The following TECRL variants were observed in gnomAD, a reference collection of about 807,000 sequenced individuals.
TECRL encodes trans-2,3-enoyl-CoA reductase like.
A neutral mutation model predicts 52.8 loss-of-function variants in TECRL; 63 were observed. That is an observed-to-expected ratio of 1.19 (90% CI 0.97 to 1.47). TECRL has a LOEUF of 1.47. Among genes scored for constraint, TECRL ranks in the 40% most tolerant of loss-of-function variants. The pLI is 0.00. For synonymous variants in TECRL, 164 were observed against 141.9 expected, an observed-to-expected ratio of 1.16 and a Z score of -1.10; for missense variants, 482 against 429.6, an observed-to-expected ratio of 1.12 and a Z score of -1.08.
intron 2 of TECRL, among the ~76,000 whole-genome samples, chr4:64,360,793 T>C (rs4860155): frequency 0.9 from 136,713 of 152,088 alleles, 62,100 homozygotes; most frequent in East Asian, 1. Context: ...CTACTCTCAC[T>C]ATGGAGTTCT....
chr4:64,339,196 C>T (rs1719358439), intron 2 of TECRL, among the ~76,000 whole-genome samples: 1 of 149,430 alleles, frequency 6.7e-6, no homozygotes, highest in African/African-American at 2.5e-5. Context: ...AAAAACCAAA[C>T]ACCACATGTT....
At chr4:64,352,315 C>G (rs1560521713) in intron 2 of TECRL, among the ~76,000 whole-genome samples, 1 of 152,126 alleles carries the variant, frequency 6.6e-6, no homozygotes, top group Admixed American at 6.5e-5. Flanking sequence ...TAATATTGAA[C>G]AGAGTCTTGA....
At chr4:64,287,744 A>T (rs994918830) in intron 9 of TECRL, among the ~76,000 whole-genome samples, 5 of 152,184 alleles carry the variant, frequency 3.3e-5, no homozygotes, top group Non-Finnish European at 5.9e-5. Context: ...TTCTCACTTT[A>T]TGTTTTTTGC....
chr4:64,300,279 C>A (rs1340034038), intron 7 of TECRL, among the ~76,000 whole-genome samples: 6 of 150,300 alleles, frequency 4.0e-5, no homozygotes, highest in Non-Finnish European at 6.0e-5. Context: ...TCCTTGAAGG[C>A]AGATTTAGAA....
Position 64,330,605 on chromosome 4 carries a change from C to G in TECRL, c.287-2049G>C, listed in dbSNP as rs1718572197. Among the ~76,000 whole-genome samples, 3 of 152,150 alleles carry G rather than the reference C, an allele frequency of 2.0e-5. No individual in the cohort carries two copies. The South Asian group carries it at 6.2e-4, about 32-fold the overall frequency. On this transcript the variant is annotated intron_variant, in intron 2 of 11. Coordinates refer to ENST00000381210, the MANE Select transcript of TECRL (RefSeq NM_001010874.5). ...AATACTTGACCCTTGGAGTTCAAGA[C>G]TAGCCTGGGCAATATAATGAGACTG...
intron 1 of TECRL, among the ~76,000 whole-genome samples, chr4:64,381,855 T>C (rs1722815199): frequency 6.6e-6 from 1 of 151,986 alleles, no homozygotes; most frequent in Admixed American, 6.6e-5. Flanking sequence ...GTAGTACTAT[T>C]TGCGTGTGTG....
At chr4:64,366,982 C>T (rs1458080343) in intron 2 of TECRL, among the ~76,000 whole-genome samples, 5 of 152,072 alleles carry the variant, frequency 3.3e-5, no homozygotes, top group Non-Finnish European at 5.9e-5. Context: ...TGAAATCAAC[C>T]TAGAAGCTCA....
At chr4:64,373,814 G>T (rs951382221) in intron 2 of TECRL, among the ~76,000 whole-genome samples, 1 of 150,640 alleles carries the variant, frequency 6.6e-6, no homozygotes, top group Non-Finnish European at 1.5e-5. Context: ...TGCCACAAAG[G>T]TGGCAATTCA....
Position 64,336,590 on chromosome 4 carries a change from T to C in TECRL, c.287-8034A>G, listed in dbSNP as rs1322373296. On this transcript the variant is annotated intron_variant, in intron 2 of 11. Coordinates refer to ENST00000381210, the MANE Select transcript of TECRL (RefSeq NM_001010874.5). ...GCTCTTGCTTCTCTAGCTCTTTCAA[T>C]TGTGATGTTAGGGTGTCAATTTTAG... 2.4e-4 allele frequency among the ~76,000 whole-genome samples: 36 copies of C among 152,362 alleles called. 1 individual carries two copies. The highest frequency in any genetic ancestry group is 2.0e-3 in the Admixed American group (31 of 15,304).
chr4:64,306,206 A>G (rs1483688937), intron 6 of TECRL, among the ~76,000 whole-genome samples: 1 of 152,160 alleles, frequency 6.6e-6, no homozygotes, highest in Non-Finnish European at 1.5e-5. Context: ...TGTTGCTCCT[A>G]CAAGACTCAA....
At chr4:64,316,586 T>A (rs1192902451) in intron 4 of TECRL, among the ~76,000 whole-genome samples, 2 of 152,088 alleles carry the variant, frequency 1.3e-5, no homozygotes, top group African/African-American at 4.8e-5. Flanking sequence ...ATTAATATGG[T>A]CTTCTGAAAA....
At chr4:64,403,829 G>A (rs1215591564) in intron 1 of TECRL, among the ~76,000 whole-genome samples, 2 of 149,894 alleles carry the variant, frequency 1.3e-5, no homozygotes, top group Non-Finnish European at 3.0e-5. Flanking sequence ...GGAAGAGGCA[G>A]AAGAGTAGAT....
In TECRL at chr4:64,366,511, G is replaced by A. The variant is rs188717372; in HGVS notation, c.286+8661C>T. On this transcript the variant is annotated intron_variant, in intron 2 of 11. Coordinates refer to ENST00000381210, the MANE Select transcript of TECRL (RefSeq NM_001010874.5). ...ATGGGAGAAAATATTTGCAAACTAT[G>A]CATCTGACAAAGGTCTAGTATCCAG... 3.3e-4 allele frequency among the ~76,000 whole-genome samples: 50 copies of A among 152,136 alleles called. 1 individual carries two copies. Among genetic ancestry groups the A allele is most frequent in the African/African-American group, 1.1e-3 (47 of 41,544 alleles).
chr4:64,295,004 A>G (rs1021968515), intron 8 of TECRL, among the ~76,000 whole-genome samples: 4 of 151,798 alleles, frequency 2.6e-5, no homozygotes, highest in African/African-American at 9.7e-5. Context: ...TAAACATTTT[A>G]TCTTATTATA....
chr4:64,377,588 TAAA>T (rs914640239), intron 1 of TECRL, among the ~76,000 whole-genome samples: 7 of 152,026 alleles, frequency 4.6e-5, no homozygotes, highest in African/African-American at 1.7e-4. Flanking sequence ...TTCTTCCTCT[TAAA>T]AGAAAATGAA....
intron 2 of TECRL, among the ~76,000 whole-genome samples, chr4:64,356,009 C>T (rs1577926101): frequency 6.6e-6 from 1 of 152,002 alleles, no homozygotes; most frequent in South Asian, 2.1e-4. Context: ...TAACTTTGCC[C>T]CAACCTTGAG....
At chr4:64,365,526 C>A (rs1424972310) in intron 2 of TECRL, among the ~76,000 whole-genome samples, 2 of 152,082 alleles carry the variant, frequency 1.3e-5, no homozygotes, top group Non-Finnish European at 2.9e-5. Flanking sequence ...TAAACCACCT[C>A]AGCAAATTTT....
At chr4:64,292,214 T>G (rs1441088721) in intron 8 of TECRL, among the ~76,000 whole-genome samples, 1 of 152,040 alleles carries the variant, frequency 6.6e-6, no homozygotes, top group Non-Finnish European at 1.5e-5. Flanking sequence ...TTTCTCAGCA[T>G]GACATATATT....
At chr4:64,318,962 ATAT>A (rs1393425294) in intron 4 of TECRL, among the ~76,000 whole-genome samples, 2 of 151,964 alleles carry the variant, frequency 1.3e-5, no homozygotes, top group Admixed American at 1.3e-4. Context: ...ATGGAAAATT[ATAT>A]TGTACCAAAA....
Sources: allele counts gnomAD v4.1 joint callset (sites outside exome capture counted in the v4.1 genomes callset), GRCh38; gene constraint gnomAD v4.1.1; transcripts MANE v1.5; gene names NCBI Gene and HGNC (gene_info 2026-07-23, HGNC 2026-07-21).